The following CFH variants were observed in gnomAD, a reference collection of about 807,000 sequenced individuals.
CFH encodes complement factor H.
A neutral mutation model predicts 147.3 loss-of-function variants in CFH; 53 were observed. The ratio of observed to expected loss-of-function variants is 0.36; its 90% CI spans 0.29 to 0.45. CFH has a LOEUF of 0.45. Ranked by LOEUF, CFH falls within the 20% of genes least tolerant of loss-of-function variation. The pLI is 1.00. For missense variants in CFH, 1,380 were observed against 1,498.0 expected, an observed-to-expected ratio of 0.92 and a Z score of 1.30; for synonymous variants, 536 against 489.4, an observed-to-expected ratio of 1.10 and a Z score of -1.26.
chr1:196,715,540 G>T (rs990040659), intron 10 of CFH, 53 bp from the exon 11 acceptor site: 83 of 1,377,412 alleles, frequency 6.0e-5, no homozygotes, highest in Non-Finnish European at 8.1e-5. Flanking sequence ...GAAATACTCA[G>T]ATTGTTTATT....
At chr1:196,700,736 A>AT in intron 9 of CFH, 9 of 703,004 alleles carry the variant, frequency 1.3e-5, no homozygotes, top group Non-Finnish European at 1.6e-5. Flanking sequence ...CAGTGCCCCC[A>AT]TGCCACTGGG....
chr1:196,699,166 T>A (rs1668377343), intron 9 of CFH, among the ~76,000 whole-genome samples: 1 of 152,180 alleles, frequency 6.6e-6, no homozygotes, highest in Non-Finnish European at 1.5e-5. Context: ...ACATTGTACC[T>A]TCACATACTC....
Position 196,743,546 on chromosome 1 carries a change from A to G in CFH, c.3228A>G (p.Gln1076=), listed in dbSNP as rs780174576. ...KYPSGERVRY[Q]CRSPYEMFGD... ...CATCTGGTGAGAGAGTACGTTATCAATGTAGGAGCCCTTATGAAATGTTTG... is the reference window on the plus strand; with the variant it reads ...CATCTGGTGAGAGAGTACGTTATCAGTGTAGGAGCCCTTATGAAATGTTTG... The change falls in exon 20 of 22, where the codon CAA becomes CAG. Residue 1076 remains glutamine (Q), a synonymous_variant. Transcript: ENST00000367429. 1.4e-5 allele frequency: 23 copies of G among 1,613,960 alleles called. No individual in the cohort carries two copies. Among genetic ancestry groups the G allele is most frequent in the Admixed American group, 3.3e-5 (2 of 60,008 alleles).
intron 9 of CFH, among the ~76,000 whole-genome samples, chr1:196,703,158 A>G (rs1436601199): frequency 6.6e-6 from 1 of 152,222 alleles, no homozygotes; most frequent in Non-Finnish European, 1.5e-5. Flanking sequence ...TGGCAAGCTG[A>G]CTTGTTATCT....
At chr1:196,705,613 G>A (rs1668567917) in intron 9 of CFH, among the ~76,000 whole-genome samples, 1 of 152,188 alleles carries the variant, frequency 6.6e-6, no homozygotes, top group Non-Finnish European at 1.5e-5. Flanking sequence ...GGGTTTAGGA[G>A]TAGTAACCCA....
chr1:196,716,589 G>A (rs895520807), intron 11 of CFH, among the ~76,000 whole-genome samples: 1 of 152,140 alleles, frequency 6.6e-6, no homozygotes, highest in Non-Finnish European at 1.5e-5. Flanking sequence ...GGGTGAGAAA[G>A]TGTGGGGACT....
intron 11 of CFH, among the ~76,000 whole-genome samples, chr1:196,721,165 GT>G (rs774210179): frequency 1.4e-5 from 2 of 147,988 alleles, no homozygotes; most frequent in Non-Finnish European, 1.5e-5. Context: ...TTTTTTTCTT[GT>G]TGTGTTGTTT....
intron 9 of CFH, among the ~76,000 whole-genome samples, chr1:196,713,066 G>A (rs548472691): frequency 5.8e-4 from 88 of 151,892 alleles, no homozygotes; most frequent in Middle Eastern, 3.4e-3. Context: ...GAATAATGCC[G>A]CAATAAACAT....
intron 4 of CFH, 91 bp downstream of exon 4, chr1:196,676,156 A>C (rs1667445820): frequency 1.3e-6 from 1 of 746,138 alleles, no homozygotes; most frequent in East Asian, 2.9e-5. Flanking sequence ...GTCTCTATTA[A>C]ATATTTTTAT....
intron 1 of CFH, 133 bp from the exon 2 acceptor site, chr1:196,672,845 A>G (rs1667328827): frequency 3.1e-6 from 1 of 325,822 alleles, no homozygotes; most frequent in South Asian, 5.3e-5. Context: ...TGGGGTTAGG[A>G]GAGAGAGAGA....
chr1:196,658,887 T>A (rs1233078118), intron 1 of CFH, among the ~76,000 whole-genome samples: 2 of 152,136 alleles, frequency 1.3e-5, no homozygotes, highest in Non-Finnish European at 2.9e-5. Context: ...AATTTTAAAT[T>A]GTAAAATAAA....
chr1:196,738,786 T>C (rs541113251), intron 17 of CFH, among the ~76,000 whole-genome samples: 2 of 152,288 alleles, frequency 1.3e-5, no homozygotes, highest in East Asian at 1.9e-4. Context: ...TGTGGTCCTG[T>C]TCTCACAGCT....
At chr1:196,690,283 A>G (rs1012338676) in intron 9 of CFH, 44 bp downstream of exon 9, 8 of 1,607,936 alleles carry the variant, frequency 5.0e-6, no homozygotes, top group Non-Finnish European at 6.0e-6. Context: ...ATGTCTTTCT[A>G]AGTAACATAG....
At chr1:196,672,934 T>C (rs1256804231) in intron 1 of CFH, 44 bp from the exon 2 acceptor site, 6 of 1,530,634 alleles carry the variant, frequency 3.9e-6, no homozygotes, top group Non-Finnish European at 3.6e-6. Context: ...ACTGTACATT[T>C]AAATAGACAC....
chr1:196,698,958 A>G (rs1344691739), intron 9 of CFH, among the ~76,000 whole-genome samples: 3 of 152,060 alleles, frequency 2.0e-5, no homozygotes, highest in African/African-American at 7.2e-5. Context: ...AAAAACACAT[A>G]ATTAACTCAA....
chr1:196,662,399 C>T (rs1456428749), intron 1 of CFH, among the ~76,000 whole-genome samples: 4 of 152,064 alleles, frequency 2.6e-5, no homozygotes, highest in Non-Finnish European at 5.9e-5. Context: ...GTATTTAAAA[C>T]CATGTAAGGT....
In CFH at chr1:196,745,870, T is replaced by A. The variant is rs776960313; in HGVS notation, c.3364T>A (p.Ser1122Thr). 1 of 1,614,172 alleles carries A rather than the reference T, an allele frequency of 6.2e-7. No individual in the cohort carries two copies. Among genetic ancestry groups the A allele is most frequent in the Non-Finnish European group, 8.5e-7 (1 of 1,180,022 alleles). ...PPPIDNGDIT[S>T]FPLSVYAPAS... ...ACCTATTGACAATGGGGACATTACT[T>A]CATTCCCGTTGTCAGTATATGCTCC... Residue 1122 changes from serine to threonine, a missense_variant, in exon 21 of 22, where the codon TCA (serine) becomes ACA (threonine). This residue lies in a region of CFH where 123 missense variants were observed against 185.3 expected (regional missense o/e 0.66). Transcript: ENST00000367429.
intron 1 of CFH, among the ~76,000 whole-genome samples, chr1:196,670,607 A>C (rs1667244470): frequency 6.6e-6 from 1 of 152,100 alleles, no homozygotes; most frequent in South Asian, 2.1e-4. Flanking sequence ...CATGACTGTA[A>C]CTTTCCTGAG....
intron 17 of CFH, among the ~76,000 whole-genome samples, chr1:196,739,331 A>T (rs1418907542): frequency 1.3e-5 from 2 of 152,238 alleles, no homozygotes; most frequent in Admixed American, 1.3e-4. Flanking sequence ...ATGAAGTTTT[A>T]TTTTCTATTG....
Sources: allele counts gnomAD v4.1 joint callset (sites outside exome capture counted in the v4.1 genomes callset), GRCh38; gene constraint gnomAD v4.1.1; regional missense constraint gnomAD v4.1.1; transcripts MANE v1.5; gene names NCBI Gene and HGNC (gene_info 2026-07-23, HGNC 2026-07-21).